The following KCNG3 variants were observed in gnomAD, a reference collection of about 807,000 sequenced individuals.
The protein encoded by KCNG3 is voltage-gated potassium channel regulatory subunit KCNG3.
Under a neutral mutation model 29.0 loss-of-function variants are expected in KCNG3, and 15 were observed. That is an observed-to-expected ratio of 0.52 (90% confidence interval 0.35 to 0.80). The LOEUF (loss-of-function observed/expected upper bound fraction) is 0.80, where lower values mean the gene tolerates loss of function less well. Ranked by LOEUF, KCNG3 falls within the 30% of genes least tolerant of loss-of-function variation. KCNG3 has a pLI of 0.01. For missense variants in KCNG3, 512 were observed against 605.7 expected (o/e 0.85, Z 1.62); for synonymous variants, 322 against 248.9 (o/e 1.29, Z -2.76).
Position 42,466,320 on chromosome 2 carries a change from C to T in KCNG3, c.666-21741G>A, listed in dbSNP as rs1200625715. ...ACTCGGGAGGCTGAGGCAGGAGAAT[C>T]GCTTGAAACCAGGAGGCGGAGGTTG... On this transcript the variant is annotated intron_variant, in intron 1 of 1. Transcript: ENST00000306078. Among the ~76,000 whole-genome samples the T allele has an allele frequency of 7.2e-5, 11 of 152,230 alleles. No homozygotes were observed. The South Asian group carries it at 1.2e-3, about 17-fold the overall frequency.
intron 1 of KCNG3, among the ~76,000 whole-genome samples, chr2:42,492,464 G>T (rs763077995): frequency 1.3e-5 from 2 of 152,172 alleles, no homozygotes; most frequent in Non-Finnish European, 2.9e-5. Flanking sequence ...TTCAAACTGC[G>T]CTTAGTTCAA....
chr2:42,477,838 C>T lies in KCNG3; in HGVS notation c.665+14999G>A, dbSNP rs547907559. Among the ~76,000 whole-genome samples the T allele has an allele frequency of 2.6e-3, 396 of 151,896 alleles. 5 individuals carry two copies. The highest frequency in any genetic ancestry group is 6.8e-3 in the Middle Eastern group (2 of 294). On this transcript the variant is annotated intron_variant, in intron 1 of 1. Coordinates refer to ENST00000306078, the MANE Select transcript of KCNG3 (RefSeq NM_133329.6). ...AAGTTGCAGTGAGCCAAGATCGTGCCACTGCACTCCAGCCTGGGTGACAAA... is the reference window on the plus strand; with the variant it reads ...AAGTTGCAGTGAGCCAAGATCGTGCTACTGCACTCCAGCCTGGGTGACAAA...
Position 42,444,138 on chromosome 2 carries a change from G to A in KCNG3, c.1107C>T (p.Ile369=). 6.2e-7 allele frequency: 1 copy of A among 1,614,196 alleles called. No individual in the cohort carries two copies. The part of the protein sequence containing the change: ...SIPAACWWVI[I]SMTTVGYGDM... ...CTCCATAGCCAACTGTAGTCATAGA[G>A]ATAATCACCCACCAGCAGGCAGCAG... Residue 369 remains isoleucine (I), a synonymous_variant, in exon 2 of 2, where the codon ATC becomes ATT. Coordinates refer to ENST00000306078, the MANE Select transcript of KCNG3 (RefSeq NM_133329.6). This position sits in a 1 kb window ranked among gnomAD's most constrained non-coding sequence, Gnocchi z 5.8.
intron 1 of KCNG3, chr2:42,463,699 A>T: frequency 5.4e-6 from 1 of 184,806 alleles, no homozygotes; most frequent in Non-Finnish European, 1.1e-5. Flanking sequence ...ACAAGCGATG[A>T]ATCAAAGGTC....
chr2:42,472,569 G>A (rs984568379), intron 1 of KCNG3, among the ~76,000 whole-genome samples: 8 of 151,116 alleles, frequency 5.3e-5, no homozygotes, highest in East Asian at 1.9e-4. Context: ...GCACGATCTC[G>A]GCTCACTGCA....
chr2:42,486,888 G>GTGGTC (rs1368313715), intron 1 of KCNG3, among the ~76,000 whole-genome samples: 2 of 152,234 alleles, frequency 1.3e-5, no homozygotes, highest in African/African-American at 4.8e-5. Context: ...GTCTGGCACG[G>GTGGTC]TGGCTCACTC....
intron 1 of KCNG3, among the ~76,000 whole-genome samples, chr2:42,487,048 T>G (rs1000425755): frequency 1.3e-5 from 2 of 151,214 alleles, no homozygotes; most frequent in African/African-American, 4.9e-5. Context: ...TCCCAGCTAG[T>G]TGGGAGGCTG....
the KCNG3 span, among the ~76,000 whole-genome samples, chr2:42,395,072 T>A: frequency 6.6e-6 from 1 of 152,132 alleles, no homozygotes; most frequent in Admixed American, 6.5e-5. Context: ...TTTTTCTAAA[T>A]CAAAGAATAA....
chr2:42,403,326 G>A, the KCNG3 span, among the ~76,000 whole-genome samples: 1 of 151,920 alleles, frequency 6.6e-6, no homozygotes, highest in East Asian at 1.9e-4. Flanking sequence ...ATTTTTTTCT[G>A]GAGACGAGAT....
chr2:42,433,249 C>A, the KCNG3 span, among the ~76,000 whole-genome samples: 1 of 152,310 alleles, frequency 6.6e-6, no homozygotes, highest in East Asian at 1.9e-4. Flanking sequence ...CCTAAAGAAT[C>A]CTATTATAGC....
At chr2:42,422,753 T>C in the KCNG3 span, among the ~76,000 whole-genome samples, 1 of 152,196 alleles carries the variant, frequency 6.6e-6, no homozygotes, top group Non-Finnish European at 1.5e-5. Flanking sequence ...GCCATAGTTA[T>C]GAAGAAGCCT....
chr2:42,409,760 C>T, the KCNG3 span, among the ~76,000 whole-genome samples: 88,722 of 143,918 alleles, frequency 0.62, 28,337 homozygotes, highest in East Asian at 0.77. Flanking sequence ...TGAAAAAGCT[C>T]GCGCTCCCAC....
rs1257861650 is a variant in KCNG3 at position 42,493,795 on chromosome 2, G to A, written c.-294C>T. 3.7e-6 allele frequency: 1 copy of A among 266,878 alleles called. No homozygotes were observed. Among genetic ancestry groups the A allele is most frequent in the Non-Finnish European group, 7.0e-6 (1 of 142,056 alleles). The allele number at this position is 266,878 out of a possible 1,614,324, so 16.5% of individuals were successfully genotyped here. A position where few individuals can be genotyped will look rare whatever the true frequency, so the allele number is the denominator to read the frequency against. On this transcript the variant is annotated 5_prime_UTR_variant, in exon 1 of 2. Coordinates refer to ENST00000306078, the MANE Select transcript of KCNG3 (RefSeq NM_133329.6). Reference sequence around the variant, plus strand: ...GGAACGCGGCTGTGTCCGCGCCGCCGACCCTCGCGCCCGAGGGCTGCGCAC... The same window carrying A: ...GGAACGCGGCTGTGTCCGCGCCGCCAACCCTCGCGCCCGAGGGCTGCGCAC...
downstream of KCNG3, chr2:42,440,393 G>C (rs1407077141): frequency 2.0e-5 from 3 of 151,508 alleles, no homozygotes; most frequent in Non-Finnish European, 2.9e-5. Flanking sequence ...ATGGAAAAGA[G>C]GTGAAGTGGA....
chr2:42,452,220 A>AATATAT (rs869226338), intron 1 of KCNG3, among the ~76,000 whole-genome samples: 26 of 104,668 alleles, frequency 2.5e-4, no homozygotes, highest in African/African-American at 7.2e-4. Flanking sequence ...TGGGGTGGTA[A>AATATAT]ATATATATAT....
chr2:42,482,462 C>T lies in KCNG3; in HGVS notation c.665+10375G>A, dbSNP rs150040005. Among the ~76,000 whole-genome samples the T allele has an allele frequency of 3.9e-3, 597 of 152,266 alleles. 4 individuals are homozygous for T. Among genetic ancestry groups the T allele is most frequent in the African/African-American group, 0.014 (572 of 41,538 alleles). ...GCAGTAGGCCAGACGCAGTGGCTCA[C>T]ACCTGTAATCCCAGCACTTTGGGAG... On this transcript the variant is annotated intron_variant, in intron 1 of 1. Coordinates refer to ENST00000306078, the MANE Select transcript of KCNG3 (RefSeq NM_133329.6).
rs576996608 is a variant in KCNG3, at chr2:42,485,578, C to T, written c.665+7259G>A. Among the ~76,000 whole-genome samples the T allele has an allele frequency of 8.5e-5, 13 of 152,066 alleles. No individual in the cohort carries two copies. In the South Asian group the frequency reaches 2.7e-3, roughly 32 times the overall value. On this transcript the variant is annotated intron_variant, in intron 1 of 1. Transcript: ENST00000306078. Reference sequence around the variant, plus strand: ...TCCCACCTCAGCCTCCCGAGTAGCTCGGACTACAGGCGCCCGCCACCATGC... The same window carrying T: ...TCCCACCTCAGCCTCCCGAGTAGCTTGGACTACAGGCGCCCGCCACCATGC...
At chr2:42,490,953 T>C (rs1277672110) in intron 1 of KCNG3, among the ~76,000 whole-genome samples, 1 of 152,194 alleles carries the variant, frequency 6.6e-6, no homozygotes, top group African/African-American at 2.4e-5. Context: ...ATCCTGCAGT[T>C]TATCTGTTTG....
intron 1 of KCNG3, among the ~76,000 whole-genome samples, chr2:42,453,680 T>C (rs2103677336): frequency 6.6e-6 from 1 of 152,310 alleles, no homozygotes; most frequent in South Asian, 2.1e-4. Flanking sequence ...TTGTTGATTC[T>C]TTCCTTTGCT....
Sources: allele counts gnomAD v4.1 joint callset (sites outside exome capture counted in the v4.1 genomes callset), GRCh38; gene constraint gnomAD v4.1.1; non-coding constraint Gnocchi (gnomAD v3.1); transcripts MANE v1.5; gene names NCBI Gene and HGNC (gene_info 2026-07-23, HGNC 2026-07-21).